Variants in DPP10 observed in about 807,000 individuals in gnomAD.
DPP10 encodes the protein inactive dipeptidyl peptidase 10.
A neutral mutation model predicts 120.9 loss-of-function variants in DPP10; 33 were observed. The ratio of observed to expected loss-of-function variants is 0.27; its 90% CI spans 0.21 to 0.37. The LOEUF (loss-of-function observed/expected upper bound fraction) is 0.37, where lower values mean the gene tolerates loss of function less well. Ranked by LOEUF, DPP10 falls within the 10% of genes least tolerant of loss-of-function variation. DPP10 has a pLI of 1.00. For missense variants in DPP10, 816 were observed against 942.8 expected (o/e 0.87, Z 1.76); for synonymous variants, 337 against 326.1 (o/e 1.03, Z -0.36).
chr2:115,782,450 A>C (rs750950908), intron 17 of DPP10, 51 bp downstream of exon 17: 20 of 1,513,862 alleles, frequency 1.3e-5, no homozygotes, highest in Non-Finnish European at 1.7e-5. Context: ...CATTAGTCTT[A>C]GACATCGTGT....
chr2:115,434,919 A>C (rs1457699644), intron 3 of DPP10, among the ~76,000 whole-genome samples: 1 of 151,800 alleles, frequency 6.6e-6, no homozygotes, highest in Non-Finnish European at 1.5e-5. Flanking sequence ...ATGAGTGATA[A>C]AATGCAATAT....
chr2:115,121,420 C>T (rs2049818309), intron 1 of DPP10, among the ~76,000 whole-genome samples: 1 of 152,210 alleles, frequency 6.6e-6, no homozygotes, highest in African/African-American at 2.4e-5. Flanking sequence ...TTCCTGCCTC[C>T]AGAGTTGCCC....
intron 1 of DPP10, among the ~76,000 whole-genome samples, chr2:114,799,860 T>C (rs910654673): frequency 6.6e-6 from 1 of 152,162 alleles, no homozygotes; most frequent in Non-Finnish European, 1.5e-5. Flanking sequence ...AGGTTTCCAT[T>C]TGAAATTTAA....
At chr2:115,632,870 A>T (rs1252689971) in intron 5 of DPP10, among the ~76,000 whole-genome samples, 1 of 152,178 alleles carries the variant, frequency 6.6e-6, no homozygotes, top group Non-Finnish European at 1.5e-5. Flanking sequence ...GCAAATCAAA[A>T]CCACAATGAG....
intron 1 of DPP10, among the ~76,000 whole-genome samples, chr2:114,991,918 G>A (rs1377641852): frequency 6.6e-6 from 1 of 152,178 alleles, no homozygotes; most frequent in Non-Finnish European, 1.5e-5. Context: ...GCAGAAATAA[G>A]GAATGGGCTG....
intron 1 of DPP10, among the ~76,000 whole-genome samples, chr2:115,277,890 T>G (rs1056749412): frequency 6.6e-6 from 1 of 152,196 alleles, no homozygotes; most frequent in African/African-American, 2.4e-5. Context: ...CTTCTACTGT[T>G]AACATCTGAA....
chr2:115,572,548 ATC>A (rs2081397649), intron 5 of DPP10, among the ~76,000 whole-genome samples: 1 of 152,190 alleles, frequency 6.6e-6, no homozygotes, highest in Non-Finnish European at 1.5e-5. Context: ...TGTTTTTTAT[ATC>A]TGTTTCTACT....
chr2:114,775,505 A>G (rs546114515), intron 1 of DPP10, among the ~76,000 whole-genome samples: 36 of 152,310 alleles, frequency 2.4e-4, no homozygotes, highest in South Asian at 1.2e-3. Flanking sequence ...ACTTCTGGGC[A>G]TCCTGAAAAT....
rs78481719 is a variant in DPP10 at position 115,068,161 on chromosome 2, G to A, written c.61-241078G>A. ...CCTCCATACTGTTTTTATAATAGCT[G>A]TAACAATTTACAATCCCACCAAGAA... is the stretch of plus-strand genomic sequence containing the variant. On this transcript the variant is annotated intron_variant, in intron 1 of 25. Transcript: ENST00000410059. Among the ~76,000 whole-genome samples the A allele has an allele frequency of 8.4e-4, 128 of 151,686 alleles. 2 individuals carry two copies. In the East Asian group the frequency reaches 0.024, roughly 28 times the overall value.
chr2:114,480,696 G>T (rs747564065), intron 1 of DPP10, among the ~76,000 whole-genome samples: 1 of 134,536 alleles, frequency 7.4e-6, no homozygotes, highest in Non-Finnish European at 1.6e-5. Flanking sequence ...ATCACACACC[G>T]GGGACTGTTG....
intron 1 of DPP10, among the ~76,000 whole-genome samples, chr2:114,566,276 T>A (rs768640985): frequency 2.6e-5 from 4 of 152,290 alleles, no homozygotes; most frequent in African/African-American, 9.6e-5. Flanking sequence ...TTAACGACTG[T>A]GCCAGGATAT....
chr2:115,097,890 T>C (rs1022170710), intron 1 of DPP10, among the ~76,000 whole-genome samples: 10 of 152,180 alleles, frequency 6.6e-5, no homozygotes, highest in Non-Finnish European at 1.3e-4. Flanking sequence ...AAGGGGTCTT[T>C]AGAAATTAGA....
intron 1 of DPP10, among the ~76,000 whole-genome samples, chr2:114,508,579 T>C (rs1157557982): frequency 6.6e-6 from 1 of 152,176 alleles, no homozygotes; most frequent in Non-Finnish European, 1.5e-5. Context: ...GTGAACTTAC[T>C]CTCCTTACAG....
At chr2:115,037,000 G>T (rs1312424847) in intron 1 of DPP10, among the ~76,000 whole-genome samples, 1 of 152,118 alleles carries the variant, frequency 6.6e-6, no homozygotes, top group Non-Finnish European at 1.5e-5. Context: ...AGTAATGGGA[G>T]CCATTGTCAT....
intron 1 of DPP10, among the ~76,000 whole-genome samples, chr2:114,943,741 C>A (rs1254279463): frequency 6.6e-6 from 1 of 152,114 alleles, no homozygotes; most frequent in Non-Finnish European, 1.5e-5. Context: ...ATTTAAGTCA[C>A]AAATATTATA....
chr2:114,906,311 G>T (rs1306925288), intron 1 of DPP10, among the ~76,000 whole-genome samples: 2 of 151,840 alleles, frequency 1.3e-5, no homozygotes, highest in Non-Finnish European at 2.9e-5. Flanking sequence ...TCAAACCTGG[G>T]AGGTGGAGGT....
At chr2:115,321,740 T>C (rs1368981514) in intron 2 of DPP10, among the ~76,000 whole-genome samples, 1 of 152,112 alleles carries the variant, frequency 6.6e-6, no homozygotes, top group Non-Finnish European at 1.5e-5. Flanking sequence ...TTCTGCTTTC[T>C]GTACCAGTAA....
intron 1 of DPP10, among the ~76,000 whole-genome samples, chr2:115,087,264 A>G (rs1708789355): frequency 6.6e-6 from 1 of 152,212 alleles, no homozygotes; most frequent in East Asian, 1.9e-4. Flanking sequence ...CAATGGCTGT[A>G]GATTCCTTCA....
chr2:114,459,779 C>A (rs1678773006), intron 1 of DPP10, among the ~76,000 whole-genome samples: 1 of 152,136 alleles, frequency 6.6e-6, no homozygotes, highest in African/African-American at 2.4e-5. Context: ...TGACTTACTA[C>A]AAGAACTTAC....
Sources: allele counts gnomAD v4.1 joint callset (sites outside exome capture counted in the v4.1 genomes callset), GRCh38; gene constraint gnomAD v4.1.1; transcripts MANE v1.5; gene names NCBI Gene and HGNC (gene_info 2026-07-23, HGNC 2026-07-21).